Variants in INPP5D observed in about 807,000 individuals in gnomAD.
INPP5D encodes inositol polyphosphate-5-phosphatase D.
INPP5D carries 33 observed loss-of-function variants against 122.9 expected under a neutral mutation model. That is an observed-to-expected ratio of 0.27 (90% CI 0.20 to 0.36). The LOEUF (loss-of-function observed/expected upper bound fraction) is 0.36, where lower values mean the gene tolerates loss of function less well. INPP5D is among the 10% of genes least tolerant of loss of function. INPP5D has a pLI of 1.00. For missense variants in INPP5D, 1,053 were observed against 1,412.7 expected, an observed-to-expected ratio of 0.75 and a Z score of 4.08; for synonymous variants, 584 against 576.2, an observed-to-expected ratio of 1.01 and a Z score of -0.19.
At chr2:233,074,914 G>A (rs974487655) in intron 1 of INPP5D, among the ~76,000 whole-genome samples, 5 of 152,090 alleles carry the variant, frequency 3.3e-5, no homozygotes, top group African/African-American at 9.7e-5. Context: ...GTGTTCATTT[G>A]GCTAGGAATG....
At chr2:233,069,963 T>C (rs772335488) in intron 1 of INPP5D, among the ~76,000 whole-genome samples, 7 of 152,146 alleles carry the variant, frequency 4.6e-5, no homozygotes, top group Non-Finnish European at 8.8e-5. Flanking sequence ...TACAAGAGAG[T>C]GCCCGCCTCA....
intron 8 of INPP5D, 93 bp downstream of exon 8, chr2:233,146,531 T>G (rs1693765673): frequency 2.9e-6 from 2 of 697,424 alleles, no homozygotes; most frequent in Non-Finnish European, 5.2e-6. Flanking sequence ...GGATTGGGGC[T>G]TTAGCTGGGG....
chr2:233,137,856 ATATATATATATATAT>A (rs1693520679), intron 5 of INPP5D, among the ~76,000 whole-genome samples: 2 of 14,372 alleles, frequency 1.4e-4, no homozygotes, highest in African/African-American at 4.5e-4. Flanking sequence ...AAAAAAAAAT[ATATATATATATATAT>A]ATATATATAT....
intron 2 of INPP5D, among the ~76,000 whole-genome samples, chr2:233,111,950 G>C (rs1259507285): frequency 2.4e-5 from 3 of 125,966 alleles, no homozygotes; most frequent in Non-Finnish European, 4.6e-5. Flanking sequence ...ATAGTCCCAG[G>C]TACTTGGGGG....
chr2:233,133,387 A>T (rs1166245249), intron 5 of INPP5D, among the ~76,000 whole-genome samples: 1 of 152,260 alleles, frequency 6.6e-6, no homozygotes. Context: ...CATTAAGTAC[A>T]AAGTACAAAG....
chr2:233,065,165 TC>T (rs1430408423), intron 1 of INPP5D, among the ~76,000 whole-genome samples: 14 of 152,200 alleles, frequency 9.2e-5, no homozygotes, highest in African/African-American at 3.4e-4. Context: ...AAATGGAGTC[TC>T]CAGGTTTTCT....
At chr2:233,145,016 C>T (rs1200486117) in intron 6 of INPP5D, among the ~76,000 whole-genome samples, 2 of 152,014 alleles carry the variant, frequency 1.3e-5, no homozygotes, top group South Asian at 2.1e-4. Flanking sequence ...TGGTGATAAC[C>T]CTGGTTCCAT....
Position 233,177,789 on chromosome 2 carries a change from G to A in INPP5D, c.2071+443G>A, listed in dbSNP as rs574431321. The stretch of plus-strand genomic sequence containing the variant: ...GGGGTTTCACCATGTTGGCCAGGCT[G>A]GTTGCAAACTCCTGACCTCAGGTGG... On this transcript the variant is annotated intron_variant, in intron 18 of 26. Transcript: ENST00000445964. This position sits in a 1 kb window ranked among gnomAD's most constrained non-coding sequence, Gnocchi z 4.2. 2.6e-5 allele frequency among the ~76,000 whole-genome samples: 4 copies of A among 152,262 alleles called. No individual in the cohort carries two copies. Among genetic ancestry groups the A allele is most frequent in the African/African-American group, 4.8e-5 (2 of 41,548 alleles).
rs539339664 is a variant in INPP5D, at chr2:233,073,103, G to A, written c.135-6232G>A. Among the ~76,000 whole-genome samples, 5 of 152,156 alleles carry A rather than the reference G, an allele frequency of 3.3e-5. No homozygotes were observed. In the South Asian group the frequency reaches 8.3e-4, roughly 25 times the overall value. ...CCTTCACTCACCCTGCTGGTGCCTC[G>A]CTTCAGCCAAACCTGGGTAAAGCAG... On this transcript the variant is annotated intron_variant, in intron 1 of 26. Transcript: ENST00000445964.
chr2:233,113,759 G>A (rs190880767), intron 2 of INPP5D, among the ~76,000 whole-genome samples: 3 of 152,320 alleles, frequency 2.0e-5, no homozygotes, highest in African/African-American at 7.2e-5. Context: ...CTCTCCTGCT[G>A]CTGCATCTCC....
In INPP5D at chr2:233,147,408, G is replaced by C. The variant is rs138059666; in HGVS notation, c.907-63G>C. ...AGCCATGTAGACAAGGGGTTCGGGC[G>C]GGGGAAGCCTTGCAAAAGCCCAGGC... On this transcript the variant is annotated intron_variant, in intron 8 of 26. Coordinates refer to ENST00000445964, the MANE Select transcript of INPP5D (RefSeq NM_001017915.3). The C allele has an allele frequency of 2.6e-5, 18 of 696,368 alleles. No homozygotes were observed. In the Admixed American group the frequency reaches 2.8e-4, roughly 11 times the overall value. 43.1% of individuals were successfully genotyped at this position (696,368 alleles called of 1,614,324 possible). A position where few individuals can be genotyped will look rare whatever the true frequency, so the allele number is the denominator to read the frequency against.
intron 25 of INPP5D, 28 bp downstream of exon 25, chr2:233,198,404 C>T: frequency 6.3e-7 from 1 of 1,588,702 alleles, no homozygotes; most frequent in Non-Finnish European, 8.6e-7. Flanking sequence ...TAAGACGGCT[C>T]CCTCCCTCCT....
intron 4 of INPP5D, among the ~76,000 whole-genome samples, chr2:233,126,919 TAA>T (rs34152360): frequency 6.8e-6 from 1 of 147,194 alleles, no homozygotes; most frequent in Non-Finnish European, 1.5e-5. Context: ...AAACTGCGTC[TAA>T]AAAAAAAAAA....
intron 1 of INPP5D, among the ~76,000 whole-genome samples, chr2:233,061,500 C>T (rs779565914): frequency 7.9e-5 from 12 of 152,194 alleles, no homozygotes; most frequent in Non-Finnish European, 1.3e-4. Flanking sequence ...TGTGTGTCCA[C>T]CTGAACATCT....
At chr2:233,114,316 C>T (rs1302562878) in intron 2 of INPP5D, among the ~76,000 whole-genome samples, 1 of 152,226 alleles carries the variant, frequency 6.6e-6, no homozygotes, top group Non-Finnish European at 1.5e-5. Context: ...CCACGTGGGG[C>T]CCTATGATTC....
Position 233,198,000 on chromosome 2 carries a change from A to G in INPP5D, c.2694-95A>G. 7.0e-7 allele frequency: 1 copy of G among 1,421,038 alleles called. No individual in the cohort carries two copies. Among genetic ancestry groups the G allele is most frequent in the Middle Eastern group, 2.5e-4 (1 of 3,944 alleles). 88.0% of individuals were successfully genotyped at this position (1,421,038 alleles called of 1,614,324 possible). On this transcript the variant is annotated intron_variant, in intron 24 of 26. Coordinates refer to ENST00000445964, the MANE Select transcript of INPP5D (RefSeq NM_001017915.3). The surrounding 1 kb of genome is among the most constrained non-coding windows in gnomAD (Gnocchi z 4.4). The stretch of plus-strand genomic sequence containing the variant: ...GAAGGAGTTGAGGAGAGCTCGAGAG[A>G]GCCCTAGGGTTATCAGAGGACACTT...
intron 20 of INPP5D, 113 bp from the exon 21 acceptor site, chr2:233,185,730 A>T: frequency 8.3e-7 from 1 of 1,201,812 alleles, no homozygotes; most frequent in Non-Finnish European, 1.0e-6. Context: ...AAAAAAAAAA[A>T]AAAAAAAGGA....
At chr2:233,098,332 G>GACC (rs1692205533) in intron 2 of INPP5D, among the ~76,000 whole-genome samples, 1 of 152,166 alleles carries the variant, frequency 6.6e-6, no homozygotes, top group Non-Finnish European at 1.5e-5. Flanking sequence ...CCGTGGATAG[G>GACC]AGCTGGAAAA....
In INPP5D at chr2:233,165,131, GTGAC is replaced by G. The variant is rs1291543586; in HGVS notation, c.1555+708_1555+711del. ...GGTCTGTGTATGTGAGTTTGTGTGA[GTGAC>G]AGCGTGCATGTGAGTGTGTGAGCCT... On this transcript the variant is annotated intron_variant, in intron 13 of 26. Transcript: ENST00000445964. Among the ~76,000 whole-genome samples, 5 of 152,266 alleles carry G rather than the reference GTGAC, an allele frequency of 3.3e-5. No homozygotes were observed. The East Asian group carries it at 7.7e-4, about 23-fold the overall frequency.
Sources: allele counts gnomAD v4.1 joint callset (sites outside exome capture counted in the v4.1 genomes callset), GRCh38; gene constraint gnomAD v4.1.1; non-coding constraint Gnocchi (gnomAD v3.1); transcripts MANE v1.5; gene names NCBI Gene and HGNC (gene_info 2026-07-23, HGNC 2026-07-21).